The following EPB41 variants were observed in gnomAD, a reference collection of about 807,000 sequenced individuals.
EPB41 encodes protein 4.1.
In EPB41, 65 loss-of-function variants were observed where a neutral mutation model predicts 108.0. That is an observed-to-expected ratio of 0.60 (90% CI 0.49 to 0.74). EPB41 has a LOEUF of 0.74. Among genes scored for constraint, EPB41 ranks in the 30% least tolerant of loss-of-function variants. The pLI, the probability that EPB41 is intolerant of heterozygous loss-of-function variation, is 0.00. For synonymous variants in EPB41, 336 were observed against 358.9 expected (o/e 0.94, Z 0.72); for missense variants, 875 against 1,037.0 (o/e 0.84, Z 2.15).
upstream of EPB41, chr1:28,914,447 G>A (rs2092426687): frequency 6.6e-6 from 1 of 152,494 alleles, no homozygotes; most frequent in African/African-American, 2.4e-5. Flanking sequence ...ACGGGCCGCG[G>A]GCCCGGCCCC....
chr1:29,057,389 A>AG (rs1553270966), intron 12 of EPB41, among the ~76,000 whole-genome samples: 1 of 150,374 alleles, frequency 6.7e-6, no homozygotes, highest in African/African-American at 2.5e-5. Flanking sequence ...AAAAAAAAAA[A>AG]AAAAAAAGAA....
At chr1:28,947,139 C>G (rs377362734) in intron 1 of EPB41, among the ~76,000 whole-genome samples, 211 of 152,234 alleles carry the variant, frequency 1.4e-3, no homozygotes, top group Non-Finnish European at 2.5e-3. Context: ...ATCTCTTGGC[C>G]GGGCTGGGTG....
upstream of EPB41, chr1:28,887,115 G>C (rs766177310): frequency 1.3e-5 from 9 of 712,426 alleles, no homozygotes; most frequent in Non-Finnish European, 1.9e-5. The surrounding 1 kb of genome is among the most constrained non-coding windows in gnomAD (Gnocchi z 4.9). Context: ...TGCAGGTGGA[G>C]GCCCCGGCGG....
In EPB41 at chr1:28,887,654, G is replaced by A. The variant is rs2089583300; in HGVS notation, c.-8+444G>A. Reference sequence around the variant, plus strand: ...AGCGGGCTGGCGGCTAGCAGCGGGAGGGGGCTCCGGGGCCTGGAGCCCCGC... The same window carrying A: ...AGCGGGCTGGCGGCTAGCAGCGGGAAGGGGCTCCGGGGCCTGGAGCCCCGC... On this transcript the variant is annotated intron_variant, in intron 1 of 16. Transcript: ENST00000347529. The surrounding 1 kb of genome is among the most constrained non-coding windows in gnomAD (Gnocchi z 4.9). 3 of 985,248 alleles carry A rather than the reference G, an allele frequency of 3.0e-6. No individual in the cohort carries two copies. Among genetic ancestry groups the A allele is most frequent in the Non-Finnish European group, 3.6e-6 (3 of 829,842 alleles). The allele number at this position is 985,248 out of a possible 1,614,324, so 61.0% of individuals were successfully genotyped here.
In EPB41 at chr1:29,053,308, G is replaced by C; in HGVS notation, c.1841G>C (p.Trp614Ser). ...EQAEPEPTEA[W>S]KVEKTHIEVT... ...GCTGAGCCAGAGCCCACAGAAGCAT[G>C]GAAGGTATGTCATCAGTCCAAATAC... The change falls in exon 12 of 21, where the codon TGG (tryptophan) becomes TCG (serine). Residue 614 changes from tryptophan (W) to serine (S), a missense_variant. Transcript: ENST00000343067. 6.2e-7 allele frequency: 1 copy of C among 1,614,218 alleles called. No individual in the cohort carries two copies. The highest frequency in any genetic ancestry group is 8.5e-7 in the Non-Finnish European group (1 of 1,180,034).
At chr1:28,989,468 G>A in intron 2 of EPB41, 1 of 869,238 alleles carries the variant, frequency 1.2e-6, no homozygotes, top group Non-Finnish European at 1.4e-6. Context: ...CAGTGTTGGG[G>A]GGAAAAAAGT....
chr1:29,015,764 C>T lies in EPB41; in HGVS notation c.902C>T (p.Thr301Ile). ...CCAGCACAGTTAACAGAAGACATAA[C>T]AAGGTAAATAAGTAATAGTTAAATA... is the stretch of plus-strand genomic sequence containing the variant. Reference protein sequence around the residue: ...PDPAQLTEDITRYYLCLQLRQ... With the variant: ...PDPAQLTEDIIRYYLCLQLRQ... Residue 301 changes from threonine (T) to isoleucine (I), a missense_variant, in exon 6 of 21, where the codon ACA becomes ATA. This residue lies in a region of EPB41 where 353 missense variants were observed against 393.2 expected (regional missense o/e 0.90). Transcript: ENST00000343067. 1 of 1,581,638 alleles carries T rather than the reference C, an allele frequency of 6.3e-7. No homozygotes were observed. Among genetic ancestry groups the T allele is most frequent in the Non-Finnish European group, 8.7e-7 (1 of 1,151,438 alleles).
intron 18 of EPB41, among the ~76,000 whole-genome samples, chr1:29,109,956 C>A (rs529024): frequency 0.66 from 100,495 of 151,986 alleles, 35,352 homozygotes; most frequent in Non-Finnish European, 0.79. Flanking sequence ...ATTGCTTGAA[C>A]CCAGGAAGCA....
At chr1:28,904,625 C>T (rs949005770) in intron 1 of EPB41, among the ~76,000 whole-genome samples, 19 of 152,086 alleles carry the variant, frequency 1.2e-4, no homozygotes, top group Admixed American at 2.6e-4. Flanking sequence ...AGGCCAGGCG[C>T]GGTGGCTCAT....
At chr1:29,017,674 T>C (rs2096594339) in intron 6 of EPB41, among the ~76,000 whole-genome samples, 1 of 152,202 alleles carries the variant, frequency 6.6e-6, no homozygotes, top group Non-Finnish European at 1.5e-5. Flanking sequence ...CATCTTTGTA[T>C]ATGAAGGACT....
intron 17 of EPB41, among the ~76,000 whole-genome samples, chr1:29,107,325 T>C (rs925010672): frequency 1.3e-5 from 2 of 152,118 alleles, no homozygotes; most frequent in African/African-American, 4.8e-5. Flanking sequence ...AACAGGGAGT[T>C]TCTTGCCCTG....
chr1:28,968,911 G>C (rs1041811679), intron 1 of EPB41, among the ~76,000 whole-genome samples: 1 of 151,184 alleles, frequency 6.6e-6, no homozygotes, highest in Non-Finnish European at 1.5e-5. Flanking sequence ...GTTACAGTGA[G>C]CTGAGATCGC....
intron 16 of EPB41, among the ~76,000 whole-genome samples, chr1:29,093,744 A>C (rs1662175948): frequency 1.3e-5 from 2 of 152,142 alleles, no homozygotes; most frequent in African/African-American, 2.4e-5. Context: ...GTCTCTACTA[A>C]AAACACAAAA....
chr1:28,926,867 T>G (rs1355564878), intron 1 of EPB41, among the ~76,000 whole-genome samples: 1 of 152,242 alleles, frequency 6.6e-6, no homozygotes, highest in East Asian at 1.9e-4. Flanking sequence ...TAAACATGTG[T>G]AATATAGCTG....
chr1:29,070,289 T>C (rs1191883119), intron 16 of EPB41: 28 of 1,077,986 alleles, frequency 2.6e-5, no homozygotes, highest in Non-Finnish European at 3.2e-5. Flanking sequence ...TCCCCAAGTA[T>C]CATTTTTGAG....
At chr1:29,021,409 G>A (rs565922277) in intron 7 of EPB41, among the ~76,000 whole-genome samples, 91 of 152,076 alleles carry the variant, frequency 6.0e-4, no homozygotes, top group Non-Finnish European at 9.3e-4. Context: ...TTTTCCTAAC[G>A]AAGCAGCAAA....
intron 7 of EPB41, among the ~76,000 whole-genome samples, chr1:29,022,372 TAAAA>T (rs370103452): frequency 5.4e-5 from 6 of 111,544 alleles, no homozygotes; most frequent in African/African-American, 1.6e-4. Flanking sequence ...ATTGATATAA[TAAAA>T]AAAAAAAAAA....
chr1:29,028,966 T>C (rs2096755338), intron 7 of EPB41, among the ~76,000 whole-genome samples: 1 of 150,706 alleles, frequency 6.6e-6, no homozygotes. Flanking sequence ...CACTTGAGCC[T>C]GGGAAGTGGA....
In EPB41 at chr1:28,950,821, G is replaced by A. The variant is rs140201781; in HGVS notation, c.-8+36053G>A. Among the ~76,000 whole-genome samples, 322 of 152,280 alleles carry A rather than the reference G, an allele frequency of 2.1e-3. 2 individuals carry two copies. Among genetic ancestry groups the A allele is most frequent in the Non-Finnish European group, 3.3e-3 (223 of 68,030 alleles). On this transcript the variant is annotated intron_variant, in intron 1 of 20. Transcript: ENST00000343067. The stretch of plus-strand genomic sequence containing the variant: ...CAAGAGGGAAGAGACATCTTGAACA[G>A]GCACCTAGCAGTTTCTGTACTTTTT...
Sources: gnomAD v4.1 joint callset for allele counts (sites outside exome capture counted in the v4.1 genomes callset) on GRCh38, gnomAD v4.1.1 for gene constraint, gnomAD v4.1.1 regional missense constraint, Gnocchi (gnomAD v3.1) non-coding constraint, MANE v1.5 for transcripts, NCBI Gene and HGNC (gene_info 2026-07-23, HGNC 2026-07-21) for gene names.